MARCHF1: variants seen among roughly 807,000 people sequenced by gnomAD.
The protein encoded by MARCHF1 is membrane associated ring-CH-type finger 1, also known as E3 ubiquitin-protein ligase MARCHF1.
A neutral mutation model predicts 54.2 loss-of-function variants in MARCHF1; 40 were observed. That is an observed-to-expected ratio of 0.74 (90% CI 0.57 to 0.96). MARCHF1 has a LOEUF of 0.96. Ranked by LOEUF, MARCHF1 falls within the 40% of genes least tolerant of loss-of-function variation. The probability of loss-of-function intolerance (pLI) is 0.00; values close to 1 mark genes in which losing one functional copy is unlikely to be tolerated. For missense variants in MARCHF1, 586 were observed against 656.5 expected, an observed-to-expected ratio of 0.89 and a Z score of 1.17; for synonymous variants, 236 against 236.3, an observed-to-expected ratio of 1.00 and a Z score of 0.01.
chr4:164,270,669 A>G (rs1430606367), intron 1 of MARCHF1, among the ~76,000 whole-genome samples: 1 of 152,210 alleles, frequency 6.6e-6, no homozygotes, highest in Non-Finnish European at 1.5e-5. Flanking sequence ...CATCACCACC[A>G]CAATAATGGC....
At chr4:163,714,577 G>A (rs190773600) in intron 4 of MARCHF1, among the ~76,000 whole-genome samples, 46 of 152,338 alleles carry the variant, frequency 3.0e-4, no homozygotes, top group African/African-American at 1.1e-3. Flanking sequence ...TAAGTAGGAC[G>A]GTAATTCTAC....
At chr4:163,987,417 G>A (rs1752889574) in intron 3 of MARCHF1, among the ~76,000 whole-genome samples, 1 of 152,158 alleles carries the variant, frequency 6.6e-6, no homozygotes, top group Non-Finnish European at 1.5e-5. Flanking sequence ...GTAGAAAGAG[G>A]CTGCAAATAT....
chr4:164,311,616 A>G (rs1322324621), intron 1 of MARCHF1, among the ~76,000 whole-genome samples: 1 of 152,200 alleles, frequency 6.6e-6, no homozygotes, highest in African/African-American at 2.4e-5. Context: ...GGTTCTAAAT[A>G]TCATCTTGAG....
chr4:164,377,591 G>A (rs965949047), intron 1 of MARCHF1, among the ~76,000 whole-genome samples: 3 of 149,416 alleles, frequency 2.0e-5, no homozygotes, highest in African/African-American at 4.9e-5. Flanking sequence ...TACTTTTTAT[G>A]CACACACACA....
intron 2 of MARCHF1, among the ~76,000 whole-genome samples, chr4:163,993,433 C>A (rs1753005846): frequency 1.3e-5 from 2 of 152,040 alleles, no homozygotes; most frequent in African/African-American, 4.8e-5. Flanking sequence ...CCTTCAATAC[C>A]AAATACAGTA....
intron 1 of MARCHF1, among the ~76,000 whole-genome samples, chr4:164,297,219 G>C (rs1367156109): frequency 6.6e-6 from 1 of 152,110 alleles, no homozygotes; most frequent in Admixed American, 6.6e-5. Flanking sequence ...ATTAAAAATG[G>C]AGATGGAGCC....
At chr4:164,173,130 T>G (rs148876749) in intron 1 of MARCHF1, among the ~76,000 whole-genome samples, 10 of 152,350 alleles carry the variant, frequency 6.6e-5, no homozygotes, top group Non-Finnish European at 1.5e-4. Flanking sequence ...AGTTTTGCAT[T>G]TAAATCAACA....
intron 1 of MARCHF1, among the ~76,000 whole-genome samples, chr4:164,299,145 A>G (rs1734486106): frequency 1.3e-5 from 2 of 152,172 alleles, no homozygotes; most frequent in South Asian, 2.1e-4. Flanking sequence ...TATTCATCTG[A>G]CAAGTATTTA....
At chr4:163,921,528 C>T (rs114800578) in intron 3 of MARCHF1, among the ~76,000 whole-genome samples, 1,903 of 152,188 alleles carry the variant, frequency 0.013, 31 homozygotes, top group African/African-American at 0.042. Flanking sequence ...TGAATCAAAA[C>T]TTGAAGAGAG....
intron 1 of MARCHF1, among the ~76,000 whole-genome samples, chr4:164,325,333 TTATATATATATATA>T (rs58385154): frequency 1.4e-5 from 2 of 138,460 alleles, no homozygotes; most frequent in East Asian, 4.7e-4. Flanking sequence ...TAGACAGAAA[TTATATATATATATA>T]TATATATATT....
At chr4:163,684,142 C>A (rs954897245) in intron 5 of MARCHF1, among the ~76,000 whole-genome samples, 3 of 152,136 alleles carry the variant, frequency 2.0e-5, no homozygotes, top group African/African-American at 7.2e-5. Flanking sequence ...ACCTCTTAAG[C>A]CACCTTCAGT....
intron 3 of MARCHF1, among the ~76,000 whole-genome samples, chr4:163,895,610 G>A (rs1298008543): frequency 1.3e-5 from 2 of 152,178 alleles, no homozygotes; most frequent in African/African-American, 4.8e-5. Context: ...TAATGCAGTA[G>A]AGGGCTTCCT....
At chr4:163,657,349 G>A (rs1448100999) in intron 5 of MARCHF1, among the ~76,000 whole-genome samples, 2 of 151,742 alleles carry the variant, frequency 1.3e-5, no homozygotes, top group African/African-American at 4.8e-5. Flanking sequence ...ATACAGCTAA[G>A]AAGGGAAGTG....
intron 1 of MARCHF1, among the ~76,000 whole-genome samples, chr4:164,212,104 G>A (rs1473150108): frequency 1.3e-5 from 2 of 151,488 alleles, no homozygotes; most frequent in Admixed American, 6.6e-5. Context: ...TGGAAGAGGA[G>A]GATGAGGAAG....
chr4:164,243,255 G>A (rs1732831904), intron 1 of MARCHF1, among the ~76,000 whole-genome samples: 1 of 143,336 alleles, frequency 7.0e-6, no homozygotes, highest in African/African-American at 2.6e-5. Flanking sequence ...TCAAAGGGAA[G>A]CCCATCAGAC....
chr4:163,562,143 A>G (rs922794263), intron 8 of MARCHF1, among the ~76,000 whole-genome samples: 2 of 152,040 alleles, frequency 1.3e-5, no homozygotes, highest in Non-Finnish European at 2.9e-5. Flanking sequence ...CTAAAAATAC[A>G]AAAATTAGCC....
chr4:164,313,915 C>T (rs1240078907), intron 1 of MARCHF1, among the ~76,000 whole-genome samples: 1 of 152,206 alleles, frequency 6.6e-6, no homozygotes, highest in East Asian at 1.9e-4. Context: ...GCTCTAGTTC[C>T]TATCTTCATT....
intron 2 of MARCHF1, among the ~76,000 whole-genome samples, chr4:164,031,759 C>T (rs570487854): frequency 3.9e-5 from 6 of 152,206 alleles, no homozygotes; most frequent in East Asian, 1.9e-4. Flanking sequence ...ATTTTTACAT[C>T]GATGTTCATC....
rs1421713905 is a variant in MARCHF1, at chr4:164,296,136, T to C, written c.-323+87734A>G. Among the ~76,000 whole-genome samples the C allele has an allele frequency of 8.5e-5, 13 of 152,302 alleles. No homozygotes were observed. In the East Asian group the frequency reaches 2.5e-3, roughly 29 times the overall value. ...CAAATAAAAAAAAATTTACCTTAAC[T>C]TAAAAAGTAATTAGTAATAACACTA... On this transcript the variant is annotated intron_variant, in intron 1 of 9. Transcript: ENST00000514618.
Sources: allele counts gnomAD v4.1 joint callset (sites outside exome capture counted in the v4.1 genomes callset), GRCh38; gene constraint gnomAD v4.1.1; transcripts MANE v1.5; gene names NCBI Gene and HGNC (gene_info 2026-07-23, HGNC 2026-07-21).